The following FKBP5 variants were observed in gnomAD, a reference collection of about 807,000 sequenced individuals.
The protein encoded by FKBP5 is peptidyl-prolyl cis-trans isomerase FKBP5.
FKBP5 carries 23 observed loss-of-function variants against 50.5 expected under a neutral mutation model. The ratio of observed to expected loss-of-function variants is 0.46; its 90% CI spans 0.33 to 0.65. The LOEUF (loss-of-function observed/expected upper bound fraction) is 0.65. FKBP5 is among the 30% of genes least tolerant of loss of function. FKBP5 has a pLI of 0.02. For missense variants in FKBP5, 411 were observed against 553.1 expected (o/e 0.74, Z 2.58); for synonymous variants, 176 against 190.6 (o/e 0.92, Z 0.63).
intron 2 of FKBP5, among the ~76,000 whole-genome samples, chr6:35,708,572 T>C (rs952383912): frequency 1.3e-5 from 1 of 75,792 alleles, no homozygotes; most frequent in Non-Finnish European, 2.7e-5. Flanking sequence ...GAATTCTATA[T>C]AGCATTTTTT....
rs577651480 is a variant in FKBP5, at chr6:35,679,763, G to A, written c.-20+9041C>T. On this transcript the variant is annotated intron_variant, in intron 1 of 10. Coordinates refer to ENST00000357266, the MANE Select transcript of FKBP5 (RefSeq NM_004117.4). ...ACAGAGTGATATAATGGATTCTAGAGACTCAGAAGAGGGCAGGGGAAAGGA... is the reference window on the plus strand; with the variant it reads ...ACAGAGTGATATAATGGATTCTAGAAACTCAGAAGAGGGCAGGGGAAAGGA... Among the ~76,000 whole-genome samples, 3 of 152,248 alleles carry A rather than the reference G, an allele frequency of 2.0e-5. No individual in the cohort carries two copies. The East Asian group carries it at 5.8e-4, about 29-fold the overall frequency.
chr6:35,635,290 T>C (rs1764277930), intron 3 of FKBP5, among the ~76,000 whole-genome samples: 1 of 152,042 alleles, frequency 6.6e-6, no homozygotes, highest in Non-Finnish European at 1.5e-5. Context: ...TGGGCCGAGA[T>C]GGTGCTACTA....
At chr6:35,589,236 C>G (rs1762739463) in intron 7 of FKBP5, among the ~76,000 whole-genome samples, 1 of 150,636 alleles carries the variant, frequency 6.6e-6, no homozygotes, top group African/African-American at 2.4e-5. Context: ...TCAAGCGATT[C>G]ACCTGTCTCA....
chr6:35,642,317 G>A (rs1484606963), intron 2 of FKBP5, among the ~76,000 whole-genome samples: 1 of 152,152 alleles, frequency 6.6e-6, no homozygotes, highest in Admixed American at 6.5e-5. Flanking sequence ...AAAATCTCTA[G>A]CTGGGCACAG....
rs1325020305 is a variant in FKBP5 at position 35,597,286 on chromosome 6, C to G, written c.627G>C (p.Met209Ile). Residue 209 changes from methionine (M) to isoleucine (I), a missense_variant, in exon 6 of 11, where the codon ATG becomes ATC. Around this residue, in one of 3 missense-constraint regions of FKBP5, gnomAD observed 267 missense variants for 405.9 expected, o/e 0.66. Coordinates refer to ENST00000357266, the MANE Select transcript of FKBP5 (RefSeq NM_004117.4). The stretch of plus-strand genomic sequence containing the variant: ...ATAAAATACATTGTTCTTCCCGCTG[C>G]ATTTTCTCCAGAGCTTTGTCAATTC... ...PIGIDKALEK[M>I]QREEQCILYL... The G allele has an allele frequency of 6.2e-7, 1 of 1,614,148 alleles. No individual in the cohort carries two copies. Among genetic ancestry groups the G allele is most frequent in the South Asian group, 1.1e-5 (1 of 91,076 alleles).
intron 1 of FKBP5, among the ~76,000 whole-genome samples, chr6:35,675,606 C>T (rs1269685188): frequency 6.6e-6 from 1 of 152,154 alleles, no homozygotes; most frequent in Non-Finnish European, 1.5e-5. Flanking sequence ...TAATCCCCAG[C>T]CTACCACAAA....
At chr6:35,638,168 T>G (rs1203570901) in intron 2 of FKBP5, among the ~76,000 whole-genome samples, 1 of 152,202 alleles carries the variant, frequency 6.6e-6, no homozygotes, top group Non-Finnish European at 1.5e-5. Context: ...AACCCAGGTG[T>G]GTGATGGTGT....
chr6:35,625,653 G>A (rs1317629261), intron 3 of FKBP5, among the ~76,000 whole-genome samples: 2 of 149,426 alleles, frequency 1.3e-5, no homozygotes, highest in Non-Finnish European at 3.0e-5. Context: ...GGAGAATGGC[G>A]TGAACCCGGG....
At chr6:35,705,143 AAAC>A (rs756008610) in intron 2 of FKBP5, among the ~76,000 whole-genome samples, 11 of 148,502 alleles carry the variant, frequency 7.4e-5, no homozygotes, top group Admixed American at 2.7e-4. Flanking sequence ...TCCGTCTCAA[AAAC>A]AACAACAACA....
upstream of FKBP5, among the ~76,000 whole-genome samples, chr6:35,691,076 A>C (rs1245139173): frequency 6.6e-6 from 1 of 152,174 alleles, no homozygotes; most frequent in Non-Finnish European, 1.5e-5. Context: ...GCTCTATGCT[A>C]TCAGGGTATA....
rs114462773 is a variant in FKBP5, at chr6:35,582,010, G to C, written c.841-1789C>G. 152 of 985,566 alleles carry C rather than the reference G, an allele frequency of 1.5e-4. No individual in the cohort carries two copies. The African/African-American group carries it at 2.5e-3, about 16-fold the overall frequency. 61.1% of individuals were successfully genotyped at this position (985,566 alleles called of 1,614,324 possible). On this transcript the variant is annotated intron_variant, in intron 8 of 10. Transcript: ENST00000357266. ...TGATACAGGACTTCAAGTGGGTGAT[G>C]TAAGAAACGAGCTCTGCCTGTAGAA...
intron 2 of FKBP5, among the ~76,000 whole-genome samples, chr6:35,715,506 C>A (rs531520807): frequency 2.6e-5 from 4 of 152,162 alleles, no homozygotes; most frequent in Non-Finnish European, 4.4e-5. Flanking sequence ...CCAATAGAGA[C>A]AAAGAGGGCC....
At chr6:35,667,258 G>A (rs576867426) in intron 1 of FKBP5, among the ~76,000 whole-genome samples, 10 of 152,180 alleles carry the variant, frequency 6.6e-5, no homozygotes, top group South Asian at 4.2e-4. Context: ...CTTACTAGGC[G>A]TCAAGCATTG....
At chr6:35,669,196 C>T (rs1434611699) in intron 1 of FKBP5, among the ~76,000 whole-genome samples, 1 of 152,170 alleles carries the variant, frequency 6.6e-6, no homozygotes, top group South Asian at 2.1e-4. Flanking sequence ...TCCTGTAAAA[C>T]AGGGACCTCC....
chr6:35,645,038 A>G (rs1464849626), intron 1 of FKBP5, among the ~76,000 whole-genome samples: 1 of 152,260 alleles, frequency 6.6e-6, no homozygotes, highest in African/African-American at 2.4e-5. Context: ...AATCTGACTG[A>G]TAACACTTTA....
intron 5 of FKBP5, among the ~76,000 whole-genome samples, chr6:35,611,637 C>T (rs183953021): frequency 7.2e-5 from 11 of 152,262 alleles, no homozygotes; most frequent in Non-Finnish European, 1.6e-4. Context: ...TATCAGTCAT[C>T]ATAATCATAT....
At chr6:35,679,168 G>A (rs929871935) in intron 1 of FKBP5, among the ~76,000 whole-genome samples, 16 of 152,290 alleles carry the variant, frequency 1.1e-4, no homozygotes, top group African/African-American at 3.8e-4. Context: ...TAAAGAATCT[G>A]GAGAGGAGGT....
intron 7 of FKBP5, 84 bp from the exon 8 acceptor site, chr6:35,587,201 C>T (rs902605073): frequency 8.3e-7 from 1 of 1,201,948 alleles, no homozygotes; most frequent in African/African-American, 1.5e-5. Flanking sequence ...GCAGCTAATT[C>T]TAGAAGATAC....
Position 35,636,956 on chromosome 6 carries a change from T to G in FKBP5, c.250+58A>C, listed in dbSNP as rs1030968505. ...GAAAGGATAGAATCCTCTGCTCCTATATATTACAAATAGTAATAAAGCTAA... is the reference window on the plus strand; with the variant it reads ...GAAAGGATAGAATCCTCTGCTCCTAGATATTACAAATAGTAATAAAGCTAA... On this transcript the variant is annotated intron_variant, in intron 3 of 10. Transcript: ENST00000357266. 4.1e-6 allele frequency: 6 copies of G among 1,472,654 alleles called. No homozygotes were observed. In the African/African-American group the frequency reaches 7.2e-5, roughly 18 times the overall value. 91.2% of individuals were successfully genotyped at this position (1,472,654 alleles called of 1,614,324 possible).
Sources: gnomAD v4.1 joint callset for allele counts (sites outside exome capture counted in the v4.1 genomes callset) on GRCh38, gnomAD v4.1.1 for gene constraint, gnomAD v4.1.1 regional missense constraint, MANE v1.5 for transcripts, NCBI Gene and HGNC (gene_info 2026-07-23, HGNC 2026-07-21) for gene names.